Variants in ROBO2 observed in about 807,000 individuals in gnomAD.
ROBO2 encodes roundabout guidance receptor 2.
Under a neutral mutation model 160.8 loss-of-function variants are expected in ROBO2, and 53 were observed. The observed-to-expected ratio is 0.33, with a 90% CI of 0.26 to 0.41. The LOEUF is 0.41. ROBO2 is among the 10% of genes least tolerant of loss of function. ROBO2 has a pLI of 1.00. For synonymous variants in ROBO2, 664 were observed against 611.7 expected (o/e 1.09, Z -1.26); for missense variants, 1,577 against 1,722.4 (o/e 0.92, Z 1.49).
rs1039295567 is a variant in ROBO2 at position 77,057,711 on chromosome 3, C to T, written c.61+16865C>T. 2.0e-5 allele frequency among the ~76,000 whole-genome samples: 3 copies of T among 151,300 alleles called. No homozygotes were observed. In the Admixed American group the frequency reaches 2.0e-4, roughly 10 times the overall value. Reference sequence around the variant, plus strand: ...TCAGCCTCCCGAGTAGCTGGGATTACAGGCACGTGCCACCACACTCAGCTA... The same window carrying T: ...TCAGCCTCCCGAGTAGCTGGGATTATAGGCACGTGCCACCACACTCAGCTA... On this transcript the variant is annotated intron_variant, in intron 1 of 25. Transcript: ENST00000461745.
chr3:77,290,178 C>A (rs759233248), intron 2 of ROBO2, among the ~76,000 whole-genome samples: 3 of 105,054 alleles, frequency 2.9e-5, no homozygotes, highest in Non-Finnish European at 2.0e-5. Context: ...ACCCAAGACA[C>A]AAAGTAAAAT....
chr3:76,378,504 A>C (rs1026160027), intron 2 of ROBO2, among the ~76,000 whole-genome samples: 1 of 152,198 alleles, frequency 6.6e-6, no homozygotes, highest in African/African-American at 2.4e-5. Flanking sequence ...TCATCCCTCC[A>C]TCAATCCTTT....
intron 2 of ROBO2, among the ~76,000 whole-genome samples, chr3:76,377,055 A>T (rs532078542): frequency 2.6e-5 from 4 of 152,158 alleles, no homozygotes; most frequent in African/African-American, 9.7e-5. Flanking sequence ...GTCATCAACA[A>T]AGTAGGCCCG....
chr3:76,975,058 TTACATG>T (rs2059748774), intron 2 of ROBO2, among the ~76,000 whole-genome samples: 1 of 152,208 alleles, frequency 6.6e-6, no homozygotes, highest in African/African-American at 2.4e-5. Flanking sequence ...GTATCTTATG[TTACATG>T]TAAATACGTG....
chr3:76,023,556 A>T (rs182021152), intron 2 of ROBO2, among the ~76,000 whole-genome samples: 4 of 151,774 alleles, frequency 2.6e-5, no homozygotes, highest in African/African-American at 9.6e-5. Context: ...AACACACATG[A>T]TATTAATTAA....
chr3:76,921,269 T>C (rs2076641680), intron 2 of ROBO2, among the ~76,000 whole-genome samples: 1 of 152,188 alleles, frequency 6.6e-6, no homozygotes, highest in African/African-American at 2.4e-5. Flanking sequence ...TTTTCTTTAA[T>C]TATAAAAATT....
chr3:77,363,543 G>A (rs1278269943), intron 2 of ROBO2, among the ~76,000 whole-genome samples: 3 of 152,164 alleles, frequency 2.0e-5, no homozygotes, highest in South Asian at 4.1e-4. Context: ...ACCCAAAGAT[G>A]TAGGGAAAGC....
At chr3:76,947,500 A>G (rs182536313) in intron 2 of ROBO2, among the ~76,000 whole-genome samples, 33 of 152,228 alleles carry the variant, frequency 2.2e-4, no homozygotes, top group African/African-American at 7.7e-4. Flanking sequence ...TTTTCCTCCA[A>G]CACGTTTTTT....
At chr3:76,638,188 C>A (rs1379548822) in intron 2 of ROBO2, among the ~76,000 whole-genome samples, 1 of 152,154 alleles carries the variant, frequency 6.6e-6, no homozygotes, top group African/African-American at 2.4e-5. Flanking sequence ...AGGAAGCCCT[C>A]ACATGAATGC....
At position 75,916,369 on chromosome 3, in the gene ROBO2, G is replaced by A. The variant is rs115032926; in HGVS notation, c.-14+9409G>A. On this transcript the variant is annotated intron_variant, in intron 1 of 26. Transcript: ENST00000487694. ...GATTTATTTATTTATTATTTCGGGG[G>A]GATCACTATTATTTGCTGTAGTAAA... Among the ~76,000 whole-genome samples, 707 of 151,972 alleles carry A rather than the reference G, an allele frequency of 4.7e-3. 3 individuals are homozygous for A. Among genetic ancestry groups the A allele is most frequent in the African/African-American group, 0.015 (622 of 41,436 alleles).
chr3:76,559,834 ATTTCATTGTCTCTTTAT>A (rs1392892030), intron 2 of ROBO2, among the ~76,000 whole-genome samples: 2 of 152,056 alleles, frequency 1.3e-5, no homozygotes, highest in Non-Finnish European at 2.9e-5. Flanking sequence ...ATAATTTTAA[ATTTCATTGTCTCTTTAT>A]TTTCATGGCA....
rs137884808 is a variant in ROBO2 at position 77,005,092 on chromosome 3, G to C, written c.110-92922G>C. Among the ~76,000 whole-genome samples, 844 of 152,268 alleles carry C rather than the reference G, an allele frequency of 5.5e-3. 6 individuals carry two copies. The highest frequency in any genetic ancestry group is 0.019 in the African/African-American group (806 of 41,546). The stretch of plus-strand genomic sequence containing the variant: ...CAACAAAATAAGACAGGTTGGACAC[G>C]CTTGGCAGGCTTTTCCCTTTACCTA... On this transcript the variant is annotated intron_variant, in intron 2 of 26. Coordinates refer to the ROBO2 transcript ENST00000487694.
chr3:77,238,846 A>G (rs1402937591), intron 2 of ROBO2, among the ~76,000 whole-genome samples: 3 of 152,174 alleles, frequency 2.0e-5, no homozygotes, highest in Non-Finnish European at 2.9e-5. Flanking sequence ...AGATGTTTAC[A>G]CTGGAGCAAT....
At chr3:77,219,480 A>AATCTG (rs2085470537) in intron 2 of ROBO2, among the ~76,000 whole-genome samples, 5 of 131,098 alleles carry the variant, frequency 3.8e-5, no homozygotes, top group African/African-American at 5.6e-5. Flanking sequence ...ATATATATAT[A>AATCTG]TATAATCTGT....
chr3:75,928,218 T>G (rs2106905697), intron 1 of ROBO2, among the ~76,000 whole-genome samples: 1 of 149,920 alleles, frequency 6.7e-6, no homozygotes, highest in East Asian at 2.0e-4. Flanking sequence ...TCTCCTGACC[T>G]CGTGATCCAC....
intron 2 of ROBO2, among the ~76,000 whole-genome samples, chr3:76,146,514 C>T (rs1036605846): frequency 1.3e-5 from 2 of 151,828 alleles, no homozygotes; most frequent in Non-Finnish European, 2.9e-5. Context: ...AAATAACTCA[C>T]TAGATTAGAT....
At chr3:76,403,513 C>A (rs1281862166) in intron 2 of ROBO2, among the ~76,000 whole-genome samples, 1 of 151,528 alleles carries the variant, frequency 6.6e-6, no homozygotes, top group Non-Finnish European at 1.5e-5. Context: ...CTGACCCAGA[C>A]CAAGTTCTCC....
At chr3:76,345,441 C>CTTTTT (rs5850253) in intron 2 of ROBO2, among the ~76,000 whole-genome samples, 1 of 133,258 alleles carries the variant, frequency 7.5e-6, no homozygotes, top group African/African-American at 2.8e-5. Flanking sequence ...TCTTTTCTTT[C>CTTTTT]TTTTTTTTTT....
At chr3:77,283,177 A>T (rs1162292840) in intron 2 of ROBO2, among the ~76,000 whole-genome samples, 1 of 152,142 alleles carries the variant, frequency 6.6e-6, no homozygotes, top group Non-Finnish European at 1.5e-5. Flanking sequence ...TCTAAAAGGG[A>T]AATGAAGATG....
Sources: gnomAD v4.1 joint callset for allele counts (sites outside exome capture counted in the v4.1 genomes callset) on GRCh38, gnomAD v4.1.1 for gene constraint, MANE v1.5 for transcripts, NCBI Gene and HGNC (gene_info 2026-07-23, HGNC 2026-07-21) for gene names.